Variants in COX15 observed in about 807,000 individuals in gnomAD.
The protein encoded by COX15 is cytochrome c oxidase assembly factor COX15, also known as heme A synthase COX15.
A neutral mutation model predicts 51.9 loss-of-function variants in COX15; 51 were observed. The ratio of observed to expected loss-of-function variants is 0.98; its 90% CI spans 0.78 to 1.24. COX15 has a LOEUF of 1.24. Among genes scored for constraint, COX15 ranks in the 50% most tolerant of loss-of-function variants. The pLI is 0.00. For synonymous variants in COX15, 188 were observed against 190.5 expected (o/e 0.99, Z 0.11); for missense variants, 420 against 501.1 (o/e 0.84, Z 1.55).
At chr10:99,702,197 A>T in the COX15 span, among the ~76,000 whole-genome samples, 1 of 152,036 alleles carries the variant, frequency 6.6e-6, no homozygotes, top group Non-Finnish European at 1.5e-5. Flanking sequence ...TCCCCCTCTT[A>T]CTTCAACTGG....
At position 99,716,381 on chromosome 10, in the gene COX15, T is replaced by G. The variant is rs761431331; in HGVS notation, c.1068A>C (p.Ala356=). The change falls in exon 8 of 9, where the codon GCA becomes GCC. Residue 356 remains alanine (A), a synonymous_variant. Transcript: ENST00000016171. Reference sequence around the variant, plus strand: ...ACGCCAAAGCCAGCAGAGTCACTGCTGCCATCTTGGTCCTTCTAGGAAGGG... The same window carrying G: ...ACGCCAAAGCCAGCAGAGTCACTGCGGCCATCTTGGTCCTTCTAGGAAGGG... The part of the protein sequence containing the change: ...RIPLPRRTKM[A]AVTLLALAYT... The G allele has an allele frequency of 6.2e-7, 1 of 1,613,916 alleles. No homozygotes were observed. The highest frequency in any genetic ancestry group is 8.5e-7 in the Non-Finnish European group (1 of 1,179,888).
intron 7 of COX15, chr10:99,716,707 C>T (rs1394277429): frequency 4.7e-6 from 2 of 426,858 alleles, no homozygotes; most frequent in South Asian, 2.1e-5. Context: ...GTACTTTATA[C>T]ACCCTCACTC....
intron 1 of COX15, 82 bp from the exon 2 acceptor site, chr10:99,729,816 GA>G: frequency 7.4e-7 from 1 of 1,350,554 alleles, no homozygotes; most frequent in East Asian, 2.3e-5. Flanking sequence ...TGATTAGCGC[GA>G]AGTACCATAG....
the COX15 span, among the ~76,000 whole-genome samples, chr10:99,696,833 C>G: frequency 1.3e-5 from 2 of 151,932 alleles, no homozygotes; most frequent in African/African-American, 4.8e-5. Flanking sequence ...GGAATGAAAC[C>G]AGTTTAAGTA....
chr10:99,711,501 GA>G lies in COX15; in HGVS notation c.*3085del, dbSNP rs1218038403. 1 of 985,312 alleles carries G rather than the reference GA, an allele frequency of 1.0e-6. No individual in the cohort carries two copies. Among genetic ancestry groups the G allele is most frequent in the Non-Finnish European group, 1.2e-6 (1 of 829,934 alleles). 61.0% of individuals were successfully genotyped at this position (985,312 alleles called of 1,614,324 possible). A position where few individuals can be genotyped will look rare whatever the true frequency, so the allele number is the denominator to read the frequency against. ...GCAGATCAAATGATAAGGTGGGGTGGAAATTAGAAGGGAATGGGAATAAGCT... is the reference window on the plus strand; with the variant it reads ...GCAGATCAAATGATAAGGTGGGGTGGAATTAGAAGGGAATGGGAATAAGCT... On this transcript the variant is annotated 3_prime_UTR_variant, in exon 9 of 9. Transcript: ENST00000016171.
intron 7 of COX15, among the ~76,000 whole-genome samples, chr10:99,716,818 G>C (rs572956222): frequency 6.6e-6 from 1 of 151,778 alleles, no homozygotes; most frequent in South Asian, 2.1e-4. Context: ...TCTTAAAGCA[G>C]GGCTGACCCC....
intron 1 of COX15, among the ~76,000 whole-genome samples, chr10:99,730,561 G>A (rs576010134): frequency 6.8e-6 from 1 of 146,900 alleles, no homozygotes; most frequent in East Asian, 2.0e-4. Flanking sequence ...TCCAGCCTAG[G>A]CGATGAAGTG....
the COX15 span, chr10:99,696,104 A>C: frequency 6.2e-7 from 1 of 1,613,318 alleles, no homozygotes; most frequent in Non-Finnish European, 8.5e-7. Context: ...GTTCTGAATG[A>C]AACTCTTAAC....
intron 8 of COX15, 27 bp from the exon 9 acceptor site, chr10:99,714,745 G>C (rs761641652): frequency 6.2e-7 from 1 of 1,611,094 alleles, no homozygotes; most frequent in Non-Finnish European, 8.5e-7. Flanking sequence ...AAGGCAATAG[G>C]AAAGGCAGTA....
At chr10:99,725,623 C>G (rs1183032822) in intron 4 of COX15, among the ~76,000 whole-genome samples, 1 of 151,966 alleles carries the variant, frequency 6.6e-6, no homozygotes, top group African/African-American at 2.4e-5. Context: ...AGTGGTGCAA[C>G]CTCTCAGCTC....
At chr10:99,708,753 T>C, downstream of COX15, 1 of 854,412 alleles carries the variant, frequency 1.2e-6, no homozygotes, top group Non-Finnish European at 1.4e-6. Flanking sequence ...CCCCCTTGAT[T>C]TATATGGGTG....
At chr10:99,708,655 C>T (rs1288624865), downstream of COX15, 3 of 238,094 alleles carry the variant, frequency 1.3e-5, no homozygotes, top group Non-Finnish European at 2.0e-5. Flanking sequence ...CTATTTTATC[C>T]ATAACCCCTG....
intron 2 of COX15, among the ~76,000 whole-genome samples, chr10:99,727,921 C>T (rs1486186238): frequency 6.6e-6 from 1 of 152,050 alleles, no homozygotes; most frequent in Non-Finnish European, 1.5e-5. Flanking sequence ...GGAAAAGAGA[C>T]CTGTTACATG....
the COX15 span, chr10:99,698,530 G>A: frequency 1.9e-5 from 31 of 1,611,262 alleles, no homozygotes; most frequent in African/African-American, 3.7e-4. Context: ...TGTCATTGTG[G>A]CAGATTGCTT....
chr10:99,709,576 A>G (rs2036320471), downstream of COX15: 1 of 983,942 alleles, frequency 1.0e-6, no homozygotes, highest in South Asian at 4.7e-5. Context: ...AGCAACAGTG[A>G]ATATACCTCA....
chr10:99,710,497 T>A (rs1174860045), downstream of COX15: 2 of 985,202 alleles, frequency 2.0e-6, no homozygotes, highest in Non-Finnish European at 2.4e-6. Flanking sequence ...CTTTGGGGAG[T>A]TGTTAAGACT....
At chr10:99,724,198 T>A (rs2036872194) in intron 4 of COX15, 75 bp from the exon 5 acceptor site, 1 of 1,565,268 alleles carries the variant, frequency 6.4e-7, no homozygotes, top group South Asian at 1.1e-5. Flanking sequence ...TTTGTTGTTT[T>A]TTTGAGACAG....
chr10:99,714,115 CTT>C lies in COX15; in HGVS notation c.*470_*471del, dbSNP rs765618742. 216 of 813,330 alleles carry C rather than the reference CTT, an allele frequency of 2.7e-4. No individual in the cohort carries two copies. Among genetic ancestry groups the C allele is most frequent in the Admixed American group, 1.7e-3 (30 of 17,824 alleles). The allele number at this position is 813,330 out of a possible 1,614,324, so 50.4% of individuals were successfully genotyped here. A position where few individuals can be genotyped will look rare whatever the true frequency, so the allele number is the denominator to read the frequency against. ...AAATCAGGATATTAGAAGACATTAGCTTTTTTTTTTTTGCTGAAGACCAGCTG... is the reference window on the plus strand; with the variant it reads ...AAATCAGGATATTAGAAGACATTAGCTTTTTTTTTTGCTGAAGACCAGCTG... On this transcript the variant is annotated 3_prime_UTR_variant, in exon 9 of 9. Coordinates refer to ENST00000016171, the MANE Select transcript of COX15 (RefSeq NM_078470.6).
rs2036470359 is a variant in COX15 at position 99,713,667 on chromosome 10, A to G, written c.*920T>C. ...CTCTCTCTGACCTTGTAATGTTAACAGCCTTATCAAAAGAGGAACTAGCTG... is the reference window on the plus strand; with the variant it reads ...CTCTCTCTGACCTTGTAATGTTAACGGCCTTATCAAAAGAGGAACTAGCTG... On this transcript the variant is annotated 3_prime_UTR_variant, in exon 9 of 9. Transcript: ENST00000016171. The G allele has an allele frequency of 8.0e-6, 7 of 879,036 alleles. No individual in the cohort carries two copies. The highest frequency in any genetic ancestry group is 3.6e-4 in the Middle Eastern group (1 of 2,764). 54.5% of individuals were successfully genotyped at this position (879,036 alleles called of 1,614,324 possible). A position where few individuals can be genotyped will look rare whatever the true frequency, so the allele number is the denominator to read the frequency against.
Sources: allele counts gnomAD v4.1 joint callset (sites outside exome capture counted in the v4.1 genomes callset), GRCh38; gene constraint gnomAD v4.1.1; transcripts MANE v1.5; gene names NCBI Gene and HGNC (gene_info 2026-07-23, HGNC 2026-07-21).